The following PLCD1 variants were observed in gnomAD, a reference collection of about 807,000 sequenced individuals.
PLCD1 encodes phospholipase C delta 1.
A neutral mutation model predicts 87.4 loss-of-function variants in PLCD1; 71 were observed. That is an observed-to-expected ratio of 0.81 (90% CI 0.67 to 0.99). The LOEUF is 0.99. Among genes scored for constraint, PLCD1 ranks in the 50% least tolerant of loss-of-function variants. The pLI, the probability that PLCD1 is intolerant of heterozygous loss-of-function variation, is 0.00. For missense variants in PLCD1, 867 were observed against 1,001.5 expected, an observed-to-expected ratio of 0.87 and a Z score of 1.81; for synonymous variants, 348 against 399.2, an observed-to-expected ratio of 0.87 and a Z score of 1.53.
Position 38,008,440 on chromosome 3 carries a change from C to G in PLCD1, c.1902+18G>C, listed in dbSNP as rs1161551540. 6.2e-7 allele frequency: 1 copy of G among 1,614,128 alleles called. No individual in the cohort carries two copies. Among genetic ancestry groups the G allele is most frequent in the South Asian group, 1.1e-5 (1 of 91,092 alleles). ...AAGGGAGGTCCGTGGGCACCTGTCC[C>G]TCCTAGGTCCAGCGTACCCTGATGT... On this transcript the variant is annotated intron_variant, in intron 12 of 14. Coordinates refer to ENST00000334661, the MANE Select transcript of PLCD1 (RefSeq NM_006225.4).
At position 38,016,657 on chromosome 3, in the gene PLCD1, C is replaced by G; in HGVS notation, c.262G>C (p.Ala88Pro). The G allele has an allele frequency of 6.3e-7, 1 of 1,598,082 alleles. No homozygotes were observed. Among genetic ancestry groups the G allele is most frequent in the Non-Finnish European group, 8.5e-7 (1 of 1,171,998 alleles). ...GHRTEGLEKF[A>P]RDVPEDRCFS... ...CAGCGGTCCTCGGGCACATCACGGGCGAACTTCTCCAGACCCTCCGTGCGG... is the reference window on the plus strand; with the variant it reads ...CAGCGGTCCTCGGGCACATCACGGGGGAACTTCTCCAGACCCTCCGTGCGG... Residue 88 changes from alanine to proline, a missense_variant, in exon 3 of 15, where the codon GCC (alanine) becomes CCC (proline). By Grantham distance (27) the Ala-to-Pro change is conservative. Transcript: ENST00000334661.
Position 38,012,725 on chromosome 3 carries a change from T to C in PLCD1, c.429-1052A>G, listed in dbSNP as rs549300164. Among the ~76,000 whole-genome samples, 40 of 152,084 alleles carry C rather than the reference T, an allele frequency of 2.6e-4. 1 individual carries two copies. In the South Asian group the frequency reaches 7.7e-3, roughly 29 times the overall value. ...TGAGACGGGGTTTCAGCATGTTGGC[T>C]ATGCTGGTCTTGAACTCCTCACCTC... is the stretch of plus-strand genomic sequence containing the variant. On this transcript the variant is annotated intron_variant, in intron 3 of 14. Transcript: ENST00000334661.
At chr3:38,026,441 C>G (rs1700309792) in intron 1 of PLCD1, among the ~76,000 whole-genome samples, 1 of 152,216 alleles carries the variant, frequency 6.6e-6, no homozygotes, top group Admixed American at 6.5e-5. Flanking sequence ...ATCCCTTGAA[C>G]CCGGGAGGTG....
chr3:38,013,500 A>C (rs1700113986), intron 3 of PLCD1, among the ~76,000 whole-genome samples: 8 of 152,236 alleles, frequency 5.3e-5, no homozygotes, highest in Admixed American at 5.2e-4. Context: ...GGCGTGAGCC[A>C]CTGCGCCCCG....
At position 38,008,649 on chromosome 3, in the gene PLCD1, C is replaced by T; in HGVS notation, c.1724-13G>A. ...AAATTCAGGGCCACTACAGGCAGGACAGAGCAGTCACAGGCTGTGGGCTGG... is the reference window on the plus strand; with the variant it reads ...AAATTCAGGGCCACTACAGGCAGGATAGAGCAGTCACAGGCTGTGGGCTGG... On this transcript the variant is annotated splice_polypyrimidine_tract_variant and intron_variant, in intron 11 of 14. Transcript: ENST00000334661. The T allele has an allele frequency of 6.2e-7, 1 of 1,613,434 alleles. No homozygotes were observed. Among genetic ancestry groups the T allele is most frequent in the East Asian group, 2.2e-5 (1 of 44,874 alleles).
chr3:38,017,516 T>C lies in PLCD1; in HGVS notation c.200-797A>G, dbSNP rs1473435650. Among the ~76,000 whole-genome samples the C allele has an allele frequency of 6.6e-5, 10 of 152,054 alleles. No homozygotes were observed. Among genetic ancestry groups the C allele is most frequent in the Non-Finnish European group, 1.5e-4 (10 of 67,980 alleles). On this transcript the variant is annotated intron_variant, in intron 2 of 14. Transcript: ENST00000334661. The surrounding 1 kb of genome is among the most constrained non-coding windows in gnomAD (Gnocchi z 4.7). ...GGGAGCCAAGGGGAGGGCCCTCCCC[T>C]CACACCCAGCCTTCCAAGCTTCAGG...
In PLCD1 at chr3:38,007,718, C is replaced by T; in HGVS notation, c.*55G>A. The T allele has an allele frequency of 7.6e-7, 1 of 1,313,836 alleles. No individual in the cohort carries two copies. Among genetic ancestry groups the T allele is most frequent in the Non-Finnish European group, 1.1e-6 (1 of 907,872 alleles). 81.4% of individuals were successfully genotyped at this position (1,313,836 alleles called of 1,614,324 possible). ...AGCAGCCACACCAGCCCTGTCCCCA[C>T]ATGTGGACAGAGGGCCCAGCCCACT... On this transcript the variant is annotated 3_prime_UTR_variant, in exon 15 of 15. Coordinates refer to ENST00000334661, the MANE Select transcript of PLCD1 (RefSeq NM_006225.4).
chr3:38,023,006 C>T (rs1018931091), intron 1 of PLCD1, among the ~76,000 whole-genome samples: 1 of 152,026 alleles, frequency 6.6e-6, no homozygotes, highest in Non-Finnish European at 1.5e-5. Flanking sequence ...AGGGTCGTGG[C>T]GAGGAGACTT....
Position 38,009,143 on chromosome 3 carries a change from C to A in PLCD1, c.1622G>T (p.Arg541Leu). Residue 541 changes from arginine (R) to leucine (L), a missense_variant, in exon 11 of 15, where the codon CGC (arginine) becomes CTC (leucine). By Grantham distance (102) the Arg-to-Leu change is moderately radical. Transcript: ENST00000334661. The part of the protein sequence containing the change: ...LLQESGNGFV[R>L]HNVGHLSRIY... Reference sequence around the variant, plus strand: ...TCTGCTCAGGTGCCCCACGTTGTGGCGGACAAAGCCGTTTCCTGAGGGGAG... The same window carrying A: ...TCTGCTCAGGTGCCCCACGTTGTGGAGGACAAAGCCGTTTCCTGAGGGGAG... The A allele has an allele frequency of 6.2e-7, 1 of 1,614,104 alleles. No individual in the cohort carries two copies. Among genetic ancestry groups the A allele is most frequent in the Non-Finnish European group, 8.5e-7 (1 of 1,179,980 alleles).
Position 38,029,502 on chromosome 3 carries a change from T to C in PLCD1, c.34+4A>G. 4 of 1,539,364 alleles carry C rather than the reference T, an allele frequency of 2.6e-6. No individual in the cohort carries two copies. Among genetic ancestry groups the C allele is most frequent in the Non-Finnish European group, 3.5e-6 (4 of 1,146,348 alleles). On this transcript the variant is annotated splice_donor_region_variant and intron_variant, in intron 1 of 14. Coordinates refer to ENST00000334661, the MANE Select transcript of PLCD1 (RefSeq NM_006225.4). ...TCTCCCGCTCGCGCGGGCCAGGCAC[T>C]CACCGTGCAGGGTCAGGAAGTCCCG... is the stretch of plus-strand genomic sequence containing the variant.
At chr3:38,026,940 G>T (rs1257139797) in intron 1 of PLCD1, among the ~76,000 whole-genome samples, 1 of 152,156 alleles carries the variant, frequency 6.6e-6, no homozygotes, top group African/African-American at 2.4e-5. Flanking sequence ...TTTACAAACG[G>T]CACCTCTTGC....
chr3:38,028,571 G>A (rs1403900172), intron 1 of PLCD1, among the ~76,000 whole-genome samples: 1 of 152,184 alleles, frequency 6.6e-6, no homozygotes, highest in African/African-American at 2.4e-5. Context: ...CCAACCCCAA[G>A]GGTACTAAAA....
intron 1 of PLCD1, among the ~76,000 whole-genome samples, 171 bp downstream of exon 1, chr3:38,029,335 C>T (rs1700338997): frequency 1.3e-5 from 2 of 152,080 alleles, no homozygotes; most frequent in African/African-American, 4.8e-5. Flanking sequence ...GCAGTCCCAC[C>T]CAGGGAGCCG....
Position 38,020,272 on chromosome 3 carries a change from C to G in PLCD1, c.115G>C (p.Glu39Gln). Residue 39 changes from glutamate (E) to glutamine (Q), a missense_variant, in exon 2 of 15, where the codon GAG becomes CAG. Physicochemically the swap from Glu to Gln is conservative, Grantham distance 29. Coordinates refer to ENST00000334661, the MANE Select transcript of PLCD1 (RefSeq NM_006225.4). ...TCCTCCTGCAACTTGTAGAAGCGCT[C>G]TCTCCTCCATGAGCTGGACTTCACC... is the stretch of plus-strand genomic sequence containing the variant. The part of the protein sequence containing the change: ...LKVKSSSWRR[E>Q]RFYKLQEDCK... The G allele has an allele frequency of 6.2e-7, 1 of 1,614,122 alleles. No homozygotes were observed. Among genetic ancestry groups the G allele is most frequent in the African/African-American group, 1.3e-5 (1 of 75,050 alleles).
intron 11 of PLCD1, 84 bp downstream of exon 11, chr3:38,008,958 C>T (rs1489517359): frequency 8.9e-7 from 1 of 1,117,682 alleles, no homozygotes; most frequent in Non-Finnish European, 1.4e-6. Flanking sequence ...CAGAGCTCCA[C>T]TGCATGGCCT....
Position 38,020,212 on chromosome 3 carries a change from T to A in PLCD1, c.175A>T (p.Met59Leu), listed in dbSNP as rs1381743951. ...KTIWQESRKV[M>L]RTPESQLFSI... is the part of the protein sequence containing the mutation. ...CACAGCTGGGACTCCGGGGTCCGCATGACCTTGCGGGACTCCTGCCAGATG... is the reference window on the plus strand; with the variant it reads ...CACAGCTGGGACTCCGGGGTCCGCAAGACCTTGCGGGACTCCTGCCAGATG... The change falls in exon 2 of 15, where the codon ATG (methionine) becomes TTG (leucine). Residue 59 changes from methionine (M) to leucine (L), a missense_variant. Met to Leu is a conservative substitution (Grantham distance 15, BLOSUM62 2). Coordinates refer to ENST00000334661, the MANE Select transcript of PLCD1 (RefSeq NM_006225.4). 6.2e-7 allele frequency: 1 copy of A among 1,613,976 alleles called. No individual in the cohort carries two copies. The highest frequency in any genetic ancestry group is 2.2e-5 in the East Asian group (1 of 44,886).
intron 1 of PLCD1, among the ~76,000 whole-genome samples, chr3:38,028,030 G>GAGCCTCCATGTGTC (rs1055954358): frequency 6.6e-6 from 1 of 152,174 alleles, no homozygotes; most frequent in Non-Finnish European, 1.5e-5. Flanking sequence ...GGTCCTGACT[G>GAGCCTCCATGTGTC]AGCCTCCATG....
Position 38,023,787 on chromosome 3 carries a change from G to A in PLCD1, c.35-3435C>T, listed in dbSNP as rs559814627. On this transcript the variant is annotated intron_variant, in intron 1 of 14. Transcript: ENST00000334661. ...CAACAGATCACACGCTGTCACACTGGGTTACAAGCAGCCACCTCAGTGCCA... is the reference window on the plus strand; with the variant it reads ...CAACAGATCACACGCTGTCACACTGAGTTACAAGCAGCCACCTCAGTGCCA... Among the ~76,000 whole-genome samples the A allele has an allele frequency of 4.0e-5, 6 of 151,464 alleles. No homozygotes were observed. The South Asian group carries it at 1.3e-3, about 32-fold the overall frequency.
At chr3:38,024,865 G>A (rs997810502) in intron 1 of PLCD1, 1 of 521,998 alleles carries the variant, frequency 1.9e-6, no homozygotes, top group Non-Finnish European at 2.9e-6. Flanking sequence ...GACCCCTGGA[G>A]ATGGGGCGAG....
Sources: allele counts gnomAD v4.1 joint callset (sites outside exome capture counted in the v4.1 genomes callset), GRCh38; gene constraint gnomAD v4.1.1; non-coding constraint Gnocchi (gnomAD v3.1); transcripts MANE v1.5; gene names NCBI Gene and HGNC (gene_info 2026-07-23, HGNC 2026-07-21).